The following STEAP1B variants were observed in gnomAD, a reference collection of about 807,000 sequenced individuals.
The protein encoded by STEAP1B is STEAP family protein MGC87042.
In STEAP1B, 13 loss-of-function variants were observed where a neutral mutation model predicts 27.9. That is an observed-to-expected ratio of 0.47 (90% CI 0.30 to 0.74). The LOEUF (loss-of-function observed/expected upper bound fraction) is 0.74. Ranked by LOEUF, STEAP1B falls within the 30% of genes least tolerant of loss-of-function variation. The pLI, the probability that STEAP1B is intolerant of heterozygous loss-of-function variation, is 0.06. For synonymous variants in STEAP1B, 86 were observed against 107.1 expected (o/e 0.80, Z 1.22); for missense variants, 250 against 298.7 (o/e 0.84, Z 1.20).
intron 4 of STEAP1B, among the ~76,000 whole-genome samples, chr7:22,465,182 G>C (rs1785755345): frequency 6.6e-6 from 1 of 151,584 alleles, no homozygotes; most frequent in Non-Finnish European, 1.5e-5. Context: ...TGGACAAAGG[G>C]ATGAATTCAT....
intron 4 of STEAP1B, among the ~76,000 whole-genome samples, chr7:22,455,135 T>G (rs1311134759): frequency 6.6e-6 from 1 of 152,072 alleles, no homozygotes; most frequent in Non-Finnish European, 1.5e-5. Context: ...AGTGCTGGGA[T>G]TACAGGCGTG....
At chr7:22,487,621 G>A (rs12531116) in intron 4 of STEAP1B, among the ~76,000 whole-genome samples, 52,802 of 150,410 alleles carry the variant, frequency 0.35, 9,386 homozygotes, top group Middle Eastern at 0.5. Context: ...CCTGACCAAC[G>A]TGGAGAAACC....
chr7:22,438,627 G>A (rs1276258697), intron 4 of STEAP1B: 1 of 1,552,130 alleles, frequency 6.4e-7, no homozygotes, highest in East Asian at 2.4e-5. Flanking sequence ...TCCTAGTCTT[G>A]GAAGGTGGTG....
At chr7:22,460,653 G>A (rs1329701928) in intron 4 of STEAP1B, among the ~76,000 whole-genome samples, 1 of 152,116 alleles carries the variant, frequency 6.6e-6, no homozygotes, top group Non-Finnish European at 1.5e-5. Context: ...GACCACTGCA[G>A]AAAGGTCATT....
chr7:22,432,254 C>T (rs1785196764), intron 4 of STEAP1B, among the ~76,000 whole-genome samples: 1 of 151,998 alleles, frequency 6.6e-6, no homozygotes, highest in African/African-American at 2.4e-5. Context: ...AAATAAATTT[C>T]TGGGCTGGAT....
intron 4 of STEAP1B, among the ~76,000 whole-genome samples, chr7:22,456,874 G>A (rs3114726): frequency 0.38 from 52,650 of 140,366 alleles, 10,225 homozygotes; most frequent in Middle Eastern, 0.46. Context: ...AGCGGAACTC[G>A]CCAAGCCCAG....
At chr7:22,481,865 A>C (rs1467435541) in intron 4 of STEAP1B, among the ~76,000 whole-genome samples, 2 of 152,250 alleles carry the variant, frequency 1.3e-5, no homozygotes, top group African/African-American at 4.8e-5. Flanking sequence ...TAACATTAGC[A>C]GCGGTTTCCT....
intron 4 of STEAP1B, among the ~76,000 whole-genome samples, chr7:22,485,467 T>C (rs1362769005): frequency 6.6e-6 from 1 of 152,236 alleles, no homozygotes; most frequent in Non-Finnish European, 1.5e-5. Context: ...GTACACTTAA[T>C]AGACTATAGT....
At chr7:22,447,512 A>G (rs908918494) in intron 4 of STEAP1B, among the ~76,000 whole-genome samples, 18 of 152,352 alleles carry the variant, frequency 1.2e-4, no homozygotes, top group Middle Eastern at 3.4e-3. Context: ...TAAATACTTG[A>G]CAATGACTGT....
intron 4 of STEAP1B, among the ~76,000 whole-genome samples, chr7:22,462,738 T>C (rs1785701387): frequency 1.3e-5 from 2 of 151,756 alleles, no homozygotes; most frequent in Admixed American, 1.3e-4. Flanking sequence ...GTCCTTTGGG[T>C]ATATAACCAG....
At chr7:22,477,885 G>A (rs763419301) in intron 4 of STEAP1B, among the ~76,000 whole-genome samples, 5 of 152,252 alleles carry the variant, frequency 3.3e-5, no homozygotes, top group Non-Finnish European at 4.4e-5. Context: ...TCCCATGAGC[G>A]AGCTACTGAC....
chr7:22,424,275 T>C (rs1785079615), intron 4 of STEAP1B, among the ~76,000 whole-genome samples: 1 of 152,156 alleles, frequency 6.6e-6, no homozygotes, highest in Admixed American at 6.5e-5. Flanking sequence ...AAAAAGTTAA[T>C]TTACTTAGTT....
chr7:22,456,968 A>ATTTTTTTTTTTT (rs1554285700), intron 4 of STEAP1B, among the ~76,000 whole-genome samples: 8 of 47,954 alleles, frequency 1.7e-4, no homozygotes, highest in South Asian at 7.3e-4. Flanking sequence ...ATATATATAT[A>ATTTTTTTTTTTT]TATATTTTTT....
At chr7:22,456,968 A>ATTTTTT (rs1554285700) in intron 4 of STEAP1B, among the ~76,000 whole-genome samples, 22 of 47,940 alleles carry the variant, frequency 4.6e-4, no homozygotes, top group Non-Finnish European at 8.6e-4. Context: ...ATATATATAT[A>ATTTTTT]TATATTTTTT....
At position 22,493,375 on chromosome 7, in the gene STEAP1B, G is replaced by A. The variant is rs571881121; in HGVS notation, c.546C>T (p.Tyr182=). 328 of 1,614,120 alleles carry A rather than the reference G, an allele frequency of 2.0e-4. No individual in the cohort carries two copies. Among genetic ancestry groups the A allele is most frequent in the South Asian group, 3.6e-4 (33 of 91,068 alleles). Residue 182 remains tyrosine (Y), a synonymous_variant, in exon 3 of 5, where the codon TAC becomes TAT. Coordinates refer to ENST00000678116, the MANE Select transcript of STEAP1B (RefSeq NM_001382447.1). ...TGTATCTGTAGGATCGCCTCATTGC[G>A]TAAGACAGAGTATAAATTGCATGCA... ...AVLHAIYTLS[Y]AMRRSYRYKL...
chr7:22,426,646 AG>A (rs1785111460), intron 4 of STEAP1B, among the ~76,000 whole-genome samples: 1 of 152,244 alleles, frequency 6.6e-6, no homozygotes, highest in Admixed American at 6.5e-5. Flanking sequence ...CTGGAGAATT[AG>A]GAACTTCAAG....
intron 4 of STEAP1B, among the ~76,000 whole-genome samples, chr7:22,452,420 C>G (rs894413945): frequency 3.3e-5 from 5 of 151,694 alleles, no homozygotes; most frequent in Admixed American, 3.3e-4. Flanking sequence ...GGCAGACAAT[C>G]CCCCCCCTCC....
intron 4 of STEAP1B, among the ~76,000 whole-genome samples, chr7:22,483,257 C>T (rs1180896734): frequency 6.6e-6 from 1 of 151,818 alleles, no homozygotes; most frequent in Non-Finnish European, 1.5e-5. Flanking sequence ...AAAAAGTCAC[C>T]TTAGAAAAGA....
chr7:22,445,005 C>G (rs57442690), intron 4 of STEAP1B, among the ~76,000 whole-genome samples: 99 of 152,314 alleles, frequency 6.5e-4, no homozygotes, highest in African/African-American at 2.3e-3. Context: ...GTCGTCTTCT[C>G]TAACCCAGAG....
Sources: allele counts gnomAD v4.1 joint callset (sites outside exome capture counted in the v4.1 genomes callset), GRCh38; gene constraint gnomAD v4.1.1; transcripts MANE v1.5; gene names NCBI Gene and HGNC (gene_info 2026-07-23, HGNC 2026-07-21).